The following ABCB1 variants were observed in gnomAD, a reference collection of about 807,000 sequenced individuals.
ABCB1 encodes ATP-dependent translocase ABCB1.
A neutral mutation model predicts 142.0 loss-of-function variants in ABCB1; 69 were observed. The observed-to-expected ratio is 0.49, with a 90% CI of 0.40 to 0.59. The LOEUF is 0.59. Ranked by LOEUF, ABCB1 falls within the 20% of genes least tolerant of loss-of-function variation. ABCB1 has a pLI of 0.00. For synonymous variants in ABCB1, 532 were observed against 539.2 expected, an observed-to-expected ratio of 0.99 and a Z score of 0.18; for missense variants, 1,326 against 1,554.7, an observed-to-expected ratio of 0.85 and a Z score of 2.47.
chr7:87,693,320 A>G (rs1302495306), intron 1 of ABCB1, among the ~76,000 whole-genome samples: 6 of 152,168 alleles, frequency 3.9e-5, no homozygotes, highest in Non-Finnish European at 7.4e-5. Flanking sequence ...ATTTTATATA[A>G]TATCTAAGTG....
chr7:87,605,408 A>G (rs12668917), upstream of ABCB1, among the ~76,000 whole-genome samples: 346 of 152,328 alleles, frequency 2.3e-3, 5 homozygotes, highest in East Asian at 0.042. Context: ...TGCTGGGATT[A>G]TAGGCATGAG....
intron 1 of ABCB1, among the ~76,000 whole-genome samples, chr7:87,607,968 T>A (rs1167558188): frequency 6.6e-6 from 1 of 152,214 alleles, no homozygotes; most frequent in Non-Finnish European, 1.5e-5. Flanking sequence ...AGTGACCAAC[T>A]TCCTTTTCAA....
At chr7:87,639,198 A>C (rs1416244034) in intron 1 of ABCB1, among the ~76,000 whole-genome samples, 1 of 151,760 alleles carries the variant, frequency 6.6e-6, no homozygotes, top group African/African-American at 2.4e-5. Context: ...ACTTTCAAAC[A>C]GTTGAAGGTT....
intron 8 of ABCB1, among the ~76,000 whole-genome samples, chr7:87,560,881 A>G (rs1032213131): frequency 6.6e-6 from 1 of 152,186 alleles, no homozygotes; most frequent in Non-Finnish European, 1.5e-5. Flanking sequence ...AGCATATGTC[A>G]GCTGAATAGG....
Position 87,516,577 on chromosome 7 carries a change from C to T in ABCB1, c.3016G>A (p.Ala1006Thr). The T allele has an allele frequency of 6.2e-7, 1 of 1,614,178 alleles. No homozygotes were observed. Among genetic ancestry groups the T allele is most frequent in the Non-Finnish European group, 8.5e-7 (1 of 1,180,024 alleles). The change falls in exon 24 of 28, where the codon GCC becomes ACC. Residue 1006 changes from alanine to threonine, a missense_variant. Coordinates refer to ENST00000622132, the MANE Select transcript of ABCB1 (RefSeq NM_001348946.2). ...TTTTCAATGATCATGATGATGTGGG[C>T]TGCTGATATTTTGGCTTTGGCATAG... is the stretch of plus-strand genomic sequence containing the variant. ...PDYAKAKISA[A>T]HIIMIIEKTP...
chr7:87,630,817 C>G (rs1821140810), intron 1 of ABCB1, among the ~76,000 whole-genome samples: 2 of 151,450 alleles, frequency 1.3e-5, no homozygotes, highest in Non-Finnish European at 2.9e-5. Context: ...GGCTTTAGGT[C>G]ATGTAATGAT....
At position 87,541,431 on chromosome 7, in the gene ABCB1, G is replaced by T. The variant is rs1323297861; in HGVS notation, c.2245C>A (p.Arg749=). Residue 749 remains arginine (R), a synonymous_variant, in exon 18 of 28, where the codon CGA becomes AGA. Transcript: ENST00000622132. ...AGTGAAAACAAGTTACTATTCTGTC[G>T]TTTTGTTTCAGGATCATCAATTCTT... ...FTRIDDPETK[R]QNSNLFSLLF... is the part of the protein sequence containing the mutation. 6.2e-7 allele frequency: 1 copy of T among 1,609,254 alleles called. No individual in the cohort carries two copies. Among genetic ancestry groups the T allele is most frequent in the Non-Finnish European group, 8.5e-7 (1 of 1,175,640 alleles).
intron 1 of ABCB1, among the ~76,000 whole-genome samples, chr7:87,671,197 G>A (rs1825791064): frequency 6.6e-6 from 1 of 152,192 alleles, no homozygotes; most frequent in East Asian, 1.9e-4. Flanking sequence ...ACCTGTGGGA[G>A]ACGTACTGGC....
rs2130499047 is a variant in ABCB1 at position 87,668,206 on chromosome 7, C to T, written c.-331+44955G>A. On this transcript the variant is annotated intron_variant, in intron 1 of 28. Coordinates refer to the ABCB1 transcript ENST00000265724. ...TCAGGGAATCAGTTTCTTCCTGGCT[C>T]TGTCTTGAGAGAGTGTATACGTCCA... is the stretch of plus-strand genomic sequence containing the variant. 2.0e-5 allele frequency among the ~76,000 whole-genome samples: 3 copies of T among 151,548 alleles called. No individual in the cohort carries two copies. In the East Asian group the frequency reaches 5.8e-4, roughly 29 times the overall value.
At chr7:87,647,746 T>A (rs1190288115) in intron 1 of ABCB1, among the ~76,000 whole-genome samples, 1 of 152,052 alleles carries the variant, frequency 6.6e-6, no homozygotes, top group Admixed American at 6.6e-5. Context: ...AACCATTACA[T>A]AACTAACAAA....
intron 1 of ABCB1, among the ~76,000 whole-genome samples, chr7:87,709,996 A>T (rs2130738113): frequency 6.6e-6 from 1 of 152,172 alleles, no homozygotes; most frequent in East Asian, 1.9e-4. Context: ...TTTCTAGTTT[A>T]AATATTTGGT....
chr7:87,701,251 C>T (rs1829010578), intron 1 of ABCB1, among the ~76,000 whole-genome samples: 1 of 152,110 alleles, frequency 6.6e-6, no homozygotes, highest in Admixed American at 6.5e-5. Flanking sequence ...AGGCATTTGA[C>T]AGATATTTTC....
At chr7:87,570,123 T>G (rs201737215) in intron 5 of ABCB1, 49 bp downstream of exon 5, 499 of 1,522,524 alleles carry the variant, frequency 3.3e-4, no homozygotes, top group Non-Finnish European at 4.0e-4. Context: ...TTTCTACAAC[T>G]TGATGAATAT....
chr7:87,665,940 G>A (rs990993074), intron 1 of ABCB1, among the ~76,000 whole-genome samples: 6 of 151,672 alleles, frequency 4.0e-5, no homozygotes, highest in Admixed American at 3.3e-4. Flanking sequence ...GTGCTACAGT[G>A]AACATACGTG....
intron 1 of ABCB1, among the ~76,000 whole-genome samples, chr7:87,708,634 C>CT (rs1351991062): frequency 6.6e-6 from 1 of 151,682 alleles, no homozygotes; most frequent in African/African-American, 2.4e-5. Context: ...CCACTCTGTG[C>CT]TTTTTTTTCT....
chr7:87,665,914 T>C (rs1825185081), intron 1 of ABCB1, among the ~76,000 whole-genome samples: 1 of 152,146 alleles, frequency 6.6e-6, no homozygotes, highest in Non-Finnish European at 1.5e-5. Context: ...GGCATATATG[T>C]ATCACATTTT....
intron 1 of ABCB1, among the ~76,000 whole-genome samples, chr7:87,646,121 G>T (rs992917245): frequency 2.0e-5 from 3 of 152,108 alleles, no homozygotes; most frequent in Admixed American, 2.0e-4. Context: ...GTAATTTAGT[G>T]CTCTGATATT....
intron 1 of ABCB1, among the ~76,000 whole-genome samples, chr7:87,630,484 G>A (rs944264427): frequency 8.5e-5 from 13 of 152,224 alleles, no homozygotes; most frequent in African/African-American, 2.9e-4. Context: ...TAAAATATAG[G>A]TAAATATCTT....
intron 1 of ABCB1, among the ~76,000 whole-genome samples, chr7:87,677,669 A>G (rs914992188): frequency 2.0e-5 from 3 of 152,218 alleles, no homozygotes; most frequent in African/African-American, 4.8e-5. Flanking sequence ...ACAAAAATCC[A>G]AAACAGAACA....
Sources: gnomAD v4.1 joint callset for allele counts (sites outside exome capture counted in the v4.1 genomes callset) on GRCh38, gnomAD v4.1.1 for gene constraint, MANE v1.5 for transcripts, NCBI Gene and HGNC (gene_info 2026-07-23, HGNC 2026-07-21) for gene names.